The following B3GALT1 variants were observed in gnomAD, a reference collection of about 807,000 sequenced individuals.
The protein encoded by B3GALT1 is beta-1,3-galactosyltransferase 1.
B3GALT1 carries 10 observed loss-of-function variants against 23.2 expected under a neutral mutation model. The observed-to-expected ratio is 0.43, with a 90% CI of 0.27 to 0.73. B3GALT1 has a LOEUF of 0.73. Among genes scored for constraint, B3GALT1 ranks in the 30% least tolerant of loss-of-function variants. B3GALT1 has a pLI of 0.21. For synonymous variants in B3GALT1, 156 were observed against 141.5 expected (o/e 1.10, Z -0.73); for missense variants, 299 against 405.4 (o/e 0.74, Z 2.25).
At chr2:167,845,041 C>T (rs1419175212) in intron 4 of B3GALT1, among the ~76,000 whole-genome samples, 1 of 152,148 alleles carries the variant, frequency 6.6e-6, no homozygotes, top group African/African-American at 2.4e-5. Context: ...TAGACAACTC[C>T]AATGACCTGG....
chr2:167,808,331 T>C (rs1238540828), intron 3 of B3GALT1, among the ~76,000 whole-genome samples: 1 of 151,542 alleles, frequency 6.6e-6, no homozygotes, highest in Non-Finnish European at 1.5e-5. Context: ...ATGTGTGAAT[T>C]TGATCCTGTC....
chr2:167,632,095 TCATCCATGTCC>T (rs542958005), intron 2 of B3GALT1, among the ~76,000 whole-genome samples: 1 of 152,208 alleles, frequency 6.6e-6, no homozygotes, highest in South Asian at 2.1e-4. Context: ...GTTTCCAGCT[TCATCCATGTCC>T]CTGCAAAGGA....
chr2:167,658,916 AC>A (rs1686006713), intron 3 of B3GALT1, among the ~76,000 whole-genome samples: 1 of 152,120 alleles, frequency 6.6e-6, no homozygotes, highest in Non-Finnish European at 1.5e-5. Context: ...ATACCAACAG[AC>A]CTAAGACTAT....
intron 3 of B3GALT1, among the ~76,000 whole-genome samples, chr2:167,668,168 ACAG>A (rs1320432989): frequency 3.3e-5 from 5 of 151,570 alleles, no homozygotes; most frequent in Admixed American, 6.6e-5. Flanking sequence ...CTTCTAACAG[ACAG>A]CAGGACCCTC....
At chr2:167,804,476 C>T (rs184582162) in intron 3 of B3GALT1, among the ~76,000 whole-genome samples, 1 of 152,100 alleles carries the variant, frequency 6.6e-6, no homozygotes, top group Non-Finnish European at 1.5e-5. Context: ...ATCCCTCCCC[C>T]TTCTGCCCAC....
intron 2 of B3GALT1, among the ~76,000 whole-genome samples, chr2:167,598,673 T>C (rs2105422006): frequency 6.6e-6 from 1 of 152,332 alleles, no homozygotes; most frequent in Non-Finnish European, 1.5e-5. Context: ...TGTCCATCTC[T>C]AACACATTCT....
chr2:167,515,512 C>T (rs1431906), intron 2 of B3GALT1, among the ~76,000 whole-genome samples: 7,007 of 152,090 alleles, frequency 0.046, 524 homozygotes, highest in African/African-American at 0.16. Flanking sequence ...TATAGGGAAG[C>T]ATAAAGCAAA....
chr2:167,597,156 C>T (rs1473963333), intron 2 of B3GALT1, among the ~76,000 whole-genome samples: 7 of 150,442 alleles, frequency 4.7e-5, no homozygotes, highest in Non-Finnish European at 1.0e-4. Context: ...CTCTCTGTCG[C>T]CCAGGCTGGA....
At chr2:167,506,000 C>A (rs532446803) in intron 2 of B3GALT1, among the ~76,000 whole-genome samples, 1 of 152,148 alleles carries the variant, frequency 6.6e-6, no homozygotes, top group Admixed American at 6.5e-5. Context: ...GTGGAGGATG[C>A]AGTGAGCCAA....
intron 2 of B3GALT1, among the ~76,000 whole-genome samples, chr2:167,607,400 T>A (rs963443596): frequency 6.6e-6 from 1 of 152,170 alleles, no homozygotes; most frequent in Non-Finnish European, 1.5e-5. Context: ...GTTTTCTGGG[T>A]CACGACTTCT....
chr2:167,554,221 T>G (rs1683803367), intron 2 of B3GALT1, among the ~76,000 whole-genome samples: 1 of 152,198 alleles, frequency 6.6e-6, no homozygotes, highest in Admixed American at 6.5e-5. Context: ...TAAGAGAAGA[T>G]ACAGTGATAA....
intron 1 of B3GALT1, among the ~76,000 whole-genome samples, chr2:167,379,575 T>C (rs1559080049): frequency 1.3e-5 from 2 of 152,100 alleles, no homozygotes; most frequent in Non-Finnish European, 2.9e-5. Flanking sequence ...AACCCATAGA[T>C]GATGCTTAAA....
At chr2:167,366,458 C>G (rs1049797319) in intron 1 of B3GALT1, among the ~76,000 whole-genome samples, 1 of 152,110 alleles carries the variant, frequency 6.6e-6, no homozygotes, top group African/African-American at 2.4e-5. Context: ...CACGGGAAAA[C>G]TGGGAACACC....
intron 3 of B3GALT1, among the ~76,000 whole-genome samples, chr2:167,656,304 C>G (rs1685955107): frequency 6.6e-6 from 1 of 152,096 alleles, no homozygotes; most frequent in African/African-American, 2.4e-5. Flanking sequence ...TATGTTTCAA[C>G]ACTTGTAGAT....
At chr2:167,522,005 T>TATACACATATATATATATATATATAC (rs1184882586) in intron 2 of B3GALT1, among the ~76,000 whole-genome samples, 9 of 144,960 alleles carry the variant, frequency 6.2e-5, no homozygotes, top group East Asian at 2.0e-4. Context: ...TATATATATA[T>TATACACATATATATATATATATATAC]ACACATATAT....
At chr2:167,575,846 A>C (rs915030165) in intron 2 of B3GALT1, among the ~76,000 whole-genome samples, 1 of 151,728 alleles carries the variant, frequency 6.6e-6, no homozygotes, top group Non-Finnish European at 1.5e-5. Flanking sequence ...CCTGATTTTT[A>C]TGGCTTCCCC....
At chr2:167,429,775 G>A (rs1698681456) in intron 1 of B3GALT1, among the ~76,000 whole-genome samples, 1 of 152,132 alleles carries the variant, frequency 6.6e-6, no homozygotes, top group Non-Finnish European at 1.5e-5. Context: ...AAGTACCAAC[G>A]TCATAGGGAT....
At position 167,400,714 on chromosome 2, in the gene B3GALT1, A is replaced by G. The variant is rs1016390415; in HGVS notation, c.-510-89463A>G. On this transcript the variant is annotated intron_variant, in intron 1 of 4. Transcript: ENST00000392690. ...CACTGCCAATTCAGCGGGATTTGGAAAGGGCTGGAGGGAAAACCTGTGTGA... is the reference window on the plus strand; with the variant it reads ...CACTGCCAATTCAGCGGGATTTGGAGAGGGCTGGAGGGAAAACCTGTGTGA... Among the ~76,000 whole-genome samples, 7 of 152,096 alleles carry G rather than the reference A, an allele frequency of 4.6e-5. No homozygotes were observed. The South Asian group carries it at 6.2e-4, about 13-fold the overall frequency.
At chr2:167,355,266 A>G (rs543982265) in intron 1 of B3GALT1, among the ~76,000 whole-genome samples, 1 of 152,370 alleles carries the variant, frequency 6.6e-6, no homozygotes, top group South Asian at 2.1e-4. Context: ...AGAGCCCTAC[A>G]AATAATTTGA....
Sources: gnomAD v4.1 joint callset for allele counts (sites outside exome capture counted in the v4.1 genomes callset) on GRCh38, gnomAD v4.1.1 for gene constraint, MANE v1.5 for transcripts, NCBI Gene and HGNC (gene_info 2026-07-23, HGNC 2026-07-21) for gene names.